GALNT13: variants seen among roughly 807,000 people sequenced by gnomAD.
GALNT13 encodes polypeptide N-acetylgalactosaminyltransferase 13.
GALNT13 carries 28 observed loss-of-function variants against 64.2 expected under a neutral mutation model. The observed-to-expected ratio is 0.44, with a 90% CI of 0.32 to 0.60. The LOEUF is 0.60. GALNT13 is among the 20% of genes least tolerant of loss of function. The probability of loss-of-function intolerance (pLI) is 0.05; values close to 1 mark genes in which losing one functional copy is unlikely to be tolerated. For synonymous variants in GALNT13, 214 were observed against 224.6 expected, an observed-to-expected ratio of 0.95 and a Z score of 0.42; for missense variants, 577 against 669.8, an observed-to-expected ratio of 0.86 and a Z score of 1.53.
chr2:153,627,041 T>C, the GALNT13 span, among the ~76,000 whole-genome samples: 1 of 152,084 alleles, frequency 6.6e-6, no homozygotes, highest in African/African-American at 2.4e-5. Flanking sequence ...CAAAAAGGGA[T>C]GAGGAATAAG....
At chr2:154,059,390 C>G (rs945157741) in intron 3 of GALNT13, among the ~76,000 whole-genome samples, 3 of 152,090 alleles carry the variant, frequency 2.0e-5, no homozygotes, top group Non-Finnish European at 2.9e-5. Context: ...CTGCAAGGAG[C>G]GTGATAAAAT....
intron 3 of GALNT13, among the ~76,000 whole-genome samples, chr2:154,011,423 G>C (rs1696631697): frequency 6.6e-6 from 1 of 152,118 alleles, no homozygotes; most frequent in Admixed American, 6.5e-5. Context: ...TAGCGCTGTG[G>C]TCTGAGAGTG....
At chr2:154,405,678 C>T (rs1485311745) in intron 10 of GALNT13, among the ~76,000 whole-genome samples, 1 of 151,762 alleles carries the variant, frequency 6.6e-6, no homozygotes, top group Non-Finnish European at 1.5e-5. Context: ...GCCACCACTG[C>T]ACTCCAGCCT....
chr2:153,080,501 C>T, the GALNT13 span, among the ~76,000 whole-genome samples: 1 of 151,974 alleles, frequency 6.6e-6, no homozygotes, highest in South Asian at 2.1e-4. Flanking sequence ...TCACAGAGTG[C>T]TGTATTAGTT....
At chr2:153,112,199 C>T in the GALNT13 span, among the ~76,000 whole-genome samples, 3 of 152,094 alleles carry the variant, frequency 2.0e-5, no homozygotes, top group African/African-American at 4.8e-5. Context: ...ATCTCATTTG[C>T]GAGTTTGGGT....
At chr2:154,022,176 T>C (rs1697558802) in intron 3 of GALNT13, among the ~76,000 whole-genome samples, 1 of 152,202 alleles carries the variant, frequency 6.6e-6, no homozygotes, top group Non-Finnish European at 1.5e-5. Flanking sequence ...TTATTGATTG[T>C]GTCTCTGCCC....
the GALNT13 span, among the ~76,000 whole-genome samples, chr2:153,849,148 TA>T: frequency 3.9e-5 from 6 of 152,146 alleles, no homozygotes; most frequent in African/African-American, 1.4e-4. Context: ...CTCAACAATG[TA>T]ACTTACAAAA....
At chr2:154,034,013 A>G (rs941640871) in intron 3 of GALNT13, among the ~76,000 whole-genome samples, 1 of 152,086 alleles carries the variant, frequency 6.6e-6, no homozygotes, top group Non-Finnish European at 1.5e-5. Flanking sequence ...GAGCCCTCAG[A>G]CATTGCTGGA....
the GALNT13 span, among the ~76,000 whole-genome samples, chr2:153,530,796 A>AT: frequency 3.3e-3 from 506 of 152,326 alleles, 4 homozygotes; most frequent in South Asian, 0.017. Flanking sequence ...GGAAAAGACA[A>AT]TGTCTTCAAT....
the GALNT13 span, among the ~76,000 whole-genome samples, chr2:153,566,109 C>T: frequency 6.6e-6 from 1 of 151,832 alleles, no homozygotes; most frequent in African/African-American, 2.4e-5. Context: ...ACTTAGAAGG[C>T]ATGATAAATA....
At chr2:153,508,846 C>G in the GALNT13 span, among the ~76,000 whole-genome samples, 4 of 152,190 alleles carry the variant, frequency 2.6e-5, no homozygotes, top group African/African-American at 9.7e-5. Flanking sequence ...GTAGTCCTGA[C>G]TCCTATCTGC....
intron 8 of GALNT13, among the ~76,000 whole-genome samples, chr2:154,278,871 G>A (rs1027503084): frequency 2.6e-5 from 4 of 151,892 alleles, no homozygotes; most frequent in Admixed American, 2.0e-4. Flanking sequence ...TAACTTTAAG[G>A]TTAAATATGA....
At chr2:153,328,943 C>T in the GALNT13 span, among the ~76,000 whole-genome samples, 62 of 152,140 alleles carry the variant, frequency 4.1e-4, no homozygotes, top group Non-Finnish European at 6.8e-4. Context: ...GGTATAGGCA[C>T]CCGAGGGAAT....
chr2:153,362,053 TG>T, the GALNT13 span, among the ~76,000 whole-genome samples: 1 of 151,690 alleles, frequency 6.6e-6, no homozygotes, highest in Non-Finnish European at 1.5e-5. Flanking sequence ...CAGAAGAGAG[TG>T]GGGGCCAATA....
At chr2:153,740,469 C>T in the GALNT13 span, among the ~76,000 whole-genome samples, 1 of 152,016 alleles carries the variant, frequency 6.6e-6, no homozygotes, top group African/African-American at 2.4e-5. Context: ...TCATTAATTG[C>T]AAGCATATTT....
the GALNT13 span, among the ~76,000 whole-genome samples, chr2:153,829,123 A>G: frequency 6.2e-3 from 938 of 152,222 alleles, 10 homozygotes; most frequent in African/African-American, 0.022. Flanking sequence ...GGGAGTTCCA[A>G]ACTTTCCCAC....
the GALNT13 span, among the ~76,000 whole-genome samples, chr2:153,490,934 TG>T: frequency 2.1e-5 from 3 of 145,822 alleles, no homozygotes; most frequent in Non-Finnish European, 3.0e-5. Context: ...CACTCCAGCC[TG>T]GGTGACAAAG....
chr2:153,256,194 CT>C, the GALNT13 span, among the ~76,000 whole-genome samples: 1 of 151,526 alleles, frequency 6.6e-6, no homozygotes, highest in East Asian at 1.9e-4. Context: ...CTAAACTTCC[CT>C]TCTCGCTTCA....
At chr2:153,983,567 G>GT (rs1459042678) in intron 3 of GALNT13, among the ~76,000 whole-genome samples, 3 of 151,818 alleles carry the variant, frequency 2.0e-5, no homozygotes, top group African/African-American at 7.2e-5. Context: ...TAAATGGATG[G>GT]TTTTATGTTT....
Sources: gnomAD v4.1 joint callset for allele counts (sites outside exome capture counted in the v4.1 genomes callset) on GRCh38, gnomAD v4.1.1 for gene constraint, MANE v1.5 for transcripts, NCBI Gene and HGNC (gene_info 2026-07-23, HGNC 2026-07-21) for gene names.